Variants in ATP2B2 observed in about 807,000 individuals in gnomAD.
The protein encoded by ATP2B2 is plasma membrane calcium-transporting ATPase 2.
Under a neutral mutation model 120.0 loss-of-function variants are expected in ATP2B2, and 15 were observed. That is an observed-to-expected ratio of 0.12 (90% confidence interval 0.08 to 0.19). ATP2B2 has a LOEUF of 0.19. ATP2B2 is among the 10% of genes least tolerant of loss of function. ATP2B2 has a pLI of 1.00. For synonymous variants in ATP2B2, 694 were observed against 700.3 expected, an observed-to-expected ratio of 0.99 and a Z score of 0.14; for missense variants, 1,045 against 1,719.8, an observed-to-expected ratio of 0.61 and a Z score of 6.94.
chr3:10,644,246 T>C (rs371947613), intron 1 of ATP2B2, among the ~76,000 whole-genome samples: 1 of 152,146 alleles, frequency 6.6e-6, no homozygotes, highest in Non-Finnish European at 1.5e-5. Context: ...AGAGTGGCTG[T>C]AATAAGTTAA....
intron 1 of ATP2B2, among the ~76,000 whole-genome samples, chr3:10,680,853 C>A (rs547582856): frequency 1.6e-4 from 24 of 152,284 alleles, no homozygotes; most frequent in African/African-American, 5.3e-4. Flanking sequence ...ATGTTGTCTG[C>A]ACCGAATCTC....
intron 1 of ATP2B2, among the ~76,000 whole-genome samples, chr3:10,468,044 T>C (rs571958882): frequency 5.9e-5 from 9 of 152,288 alleles, no homozygotes; most frequent in African/African-American, 2.2e-4. Context: ...CGACACTCAA[T>C]AGGCTCCTGG....
intron 12 of ATP2B2, among the ~76,000 whole-genome samples, chr3:10,367,764 C>T (rs1222610959): frequency 1.3e-5 from 2 of 152,210 alleles, no homozygotes; most frequent in East Asian, 1.9e-4. Flanking sequence ...GCTCCAACTG[C>T]AGGGTCCTTA....
chr3:10,666,167 A>G (rs1204623140), intron 1 of ATP2B2, among the ~76,000 whole-genome samples: 1 of 152,112 alleles, frequency 6.6e-6, no homozygotes, highest in East Asian at 1.9e-4. Flanking sequence ...CTAACTCAGA[A>G]GTGCTATCGG....
chr3:10,639,992 G>C (rs1285488528), intron 1 of ATP2B2, among the ~76,000 whole-genome samples: 2 of 152,120 alleles, frequency 1.3e-5, no homozygotes, highest in African/African-American at 4.8e-5. Context: ...AGGCTTTCTT[G>C]GGTACTATTG....
At chr3:10,659,465 C>T (rs768438101) in intron 1 of ATP2B2, among the ~76,000 whole-genome samples, 1 of 152,150 alleles carries the variant, frequency 6.6e-6, no homozygotes, top group Non-Finnish European at 1.5e-5. Context: ...ATAAAACAGA[C>T]TTTAAACAAA....
intron 1 of ATP2B2, among the ~76,000 whole-genome samples, chr3:10,690,379 T>C (rs764905793): frequency 5.9e-5 from 9 of 152,068 alleles, no homozygotes; most frequent in Non-Finnish European, 1.0e-4. Context: ...CAGATAGAGA[T>C]AGAGAGATGG....
intron 2 of ATP2B2, among the ~76,000 whole-genome samples, chr3:10,444,693 G>A (rs974662193): frequency 1.3e-5 from 2 of 152,172 alleles, no homozygotes; most frequent in African/African-American, 4.8e-5. Flanking sequence ...CTGACAACCC[G>A]AGGTGGGTGC....
In ATP2B2 at chr3:10,350,495, G is replaced by T. The variant is rs1398451336; in HGVS notation, c.2219C>A (p.Ala740Asp). The change falls in exon 15 of 23, where the codon GCC becomes GAC. Residue 740 changes from alanine to aspartate, a missense_variant. Around this residue, in one of 11 missense-constraint regions of ATP2B2, gnomAD observed 343 missense variants for 536.8 expected, o/e 0.64. Transcript: ENST00000360273. ...VTGDNINTAR[A>D]IAIKCGIIHP... ...GATGATGCCACACTTGATGGCGATG[G>T]CCCGAGCCGTGTTGATATTGTCGCC... 1 of 1,614,208 alleles carries T rather than the reference G, an allele frequency of 6.2e-7. No homozygotes were observed. The highest frequency in any genetic ancestry group is 1.1e-5 in the South Asian group (1 of 91,084).
intron 8 of ATP2B2, among the ~76,000 whole-genome samples, chr3:10,381,879 C>T (rs192637370): frequency 9.5e-4 from 145 of 152,250 alleles, no homozygotes; most frequent in African/African-American, 3.2e-3. Context: ...GGTAAGCTGA[C>T]CTGATACACA....
At chr3:10,691,938 C>T (rs529228320) in intron 1 of ATP2B2, among the ~76,000 whole-genome samples, 2 of 152,286 alleles carry the variant, frequency 1.3e-5, no homozygotes, top group African/African-American at 2.4e-5. Context: ...TCCAATACTG[C>T]GATGGTCTGA....
chr3:10,601,206 G>A (rs1162779807), intron 2 of ATP2B2, among the ~76,000 whole-genome samples: 1 of 152,122 alleles, frequency 6.6e-6, no homozygotes, highest in Non-Finnish European at 1.5e-5. Context: ...AAAGAAGAAG[G>A]AGTCCCCAGA....
intron 2 of ATP2B2, among the ~76,000 whole-genome samples, chr3:10,538,149 T>A (rs1193209224): frequency 6.6e-6 from 1 of 152,226 alleles, no homozygotes; most frequent in Non-Finnish European, 1.5e-5. Context: ...TAATAGTAGC[T>A]CCTTAAAATA....
intron 1 of ATP2B2, among the ~76,000 whole-genome samples, chr3:10,495,027 T>C (rs2066087832): frequency 6.6e-6 from 1 of 152,210 alleles, no homozygotes; most frequent in Non-Finnish European, 1.5e-5. Context: ...GTGGAGCCAG[T>C]GTGGCTCCAA....
chr3:10,422,184 G>C (rs1401499334), intron 2 of ATP2B2, among the ~76,000 whole-genome samples: 1 of 152,216 alleles, frequency 6.6e-6, no homozygotes, highest in Non-Finnish European at 1.5e-5. Context: ...ACTAGAGATG[G>C]GGATGTAAGT....
At chr3:10,490,127 C>A (rs2065879192) in intron 1 of ATP2B2, among the ~76,000 whole-genome samples, 1 of 152,240 alleles carries the variant, frequency 6.6e-6, no homozygotes, top group South Asian at 2.1e-4. Context: ...AGGGCTTCCC[C>A]TGGGCTCCTG....
chr3:10,541,831 C>T (rs939883255), intron 2 of ATP2B2, among the ~76,000 whole-genome samples: 17 of 152,250 alleles, frequency 1.1e-4, no homozygotes, highest in African/African-American at 4.1e-4. Context: ...GATATCCTGC[C>T]TAGTTGCTGT....
In ATP2B2 at chr3:10,438,484, G is replaced by A. The variant is rs1246882001; in HGVS notation, c.199+10861C>T. ...GTACCTGCATGTGACACTCTCCTCC[G>A]ACCTCTGACATCTTCTTTGCCTGCT... On this transcript the variant is annotated intron_variant, in intron 2 of 22. Coordinates refer to ENST00000360273, the MANE Select transcript of ATP2B2 (RefSeq NM_001001331.4). Among the ~76,000 whole-genome samples the A allele has an allele frequency of 2.6e-5, 4 of 152,294 alleles. No homozygotes were observed. The East Asian group carries it at 5.8e-4, about 22-fold the overall frequency.
chr3:10,640,022 C>G (rs920668231), intron 1 of ATP2B2, among the ~76,000 whole-genome samples: 1 of 152,094 alleles, frequency 6.6e-6, no homozygotes. Flanking sequence ...CACTGAAAGT[C>G]TAGACTTTTC....
Sources: gnomAD v4.1 joint callset for allele counts (sites outside exome capture counted in the v4.1 genomes callset) on GRCh38, gnomAD v4.1.1 for gene constraint, gnomAD v4.1.1 regional missense constraint, MANE v1.5 for transcripts, NCBI Gene and HGNC (gene_info 2026-07-23, HGNC 2026-07-21) for gene names.